Variants in ZNF519 observed in about 807,000 individuals in gnomAD.
ZNF519 encodes the protein similar to Zinc finger protein 85 (Zinc finger protein HPF4) (HTF1).
ZNF519 carries 7 observed loss-of-function variants against 7.4 expected under a neutral mutation model. The observed-to-expected ratio is 0.94, with a 90% CI of 0.54 to 1.77. The LOEUF is 1.77. ZNF519 is among the 40% of genes most tolerant of loss of function. The pLI, the probability that ZNF519 is intolerant of heterozygous loss-of-function variation, is 0.00. For missense variants in ZNF519, 586 were observed against 623.1 expected (o/e 0.94, Z 0.63); for synonymous variants, 179 against 203.3 (o/e 0.88, Z 1.02).
intron 3 of ZNF519, among the ~76,000 whole-genome samples, chr18:14,079,740 CA>C (rs1239615021): frequency 6.6e-6 from 1 of 152,174 alleles, no homozygotes; most frequent in Non-Finnish European, 1.5e-5. Context: ...TTAACATCTT[CA>C]CCAAAATGAA....
In ZNF519 at chr18:14,106,296, A is replaced by G; in HGVS notation, c.244T>C (p.Trp82Arg). 6.2e-7 allele frequency: 1 copy of G among 1,613,012 alleles called. No homozygotes were observed. Among genetic ancestry groups the G allele is most frequent in the Non-Finnish European group, 8.5e-7 (1 of 1,179,842 alleles). ...GSCGLENICLWKNWESIGEGE... is the reference protein window; with the variant it reads ...GSCGLENICLRKNWESIGEGE... ...TCACCTATACTTTCCCAGTTTTTCC[A>G]TAAGCATATATTTTCAAGGCCACAG... The change falls in exon 3 of 3, where the codon TGG becomes CGG. Residue 82 changes from tryptophan (W) to arginine (R), a missense_variant. Coordinates refer to ENST00000590202, the MANE Select transcript of ZNF519 (RefSeq NM_145287.4).
intron 2 of ZNF519, among the ~76,000 whole-genome samples, chr18:14,114,548 A>G (rs929829059): frequency 1.3e-5 from 2 of 152,136 alleles, no homozygotes; most frequent in Admixed American, 6.5e-5. Context: ...GTCAAATACT[A>G]TGTTTCCTCC....
intron 1 of ZNF519, among the ~76,000 whole-genome samples, chr18:14,125,336 G>A (rs2046293537): frequency 6.6e-6 from 1 of 152,168 alleles, no homozygotes; most frequent in Admixed American, 6.5e-5. Flanking sequence ...AATGTTTATG[G>A]AGCATGTACT....
chr18:14,076,260 G>A (rs1468642646), exon 5 of ZNF519: 1 of 152,078 alleles, frequency 6.6e-6, no homozygotes, highest in Non-Finnish European at 1.5e-5. Context: ...AAATATGATT[G>A]TGGTAATCTC....
At chr18:14,091,079 AGTAT>A (rs1454615962) in intron 2 of ZNF519, 1 of 152,208 alleles carries the variant, frequency 6.6e-6, no homozygotes, top group Non-Finnish European at 1.5e-5. Context: ...TTTTGGACTT[AGTAT>A]GTATTCATTG....
intron 3 of ZNF519, among the ~76,000 whole-genome samples, chr18:14,083,905 T>C (rs1567938661): frequency 6.6e-6 from 1 of 152,210 alleles, no homozygotes; most frequent in Non-Finnish European, 1.5e-5. Flanking sequence ...GCATCCGATG[T>C]GTCCCCTAAA....
chr18:14,104,469 T>C lies in ZNF519; in HGVS notation c.*448A>G, dbSNP rs9675475. Reference sequence around the variant, plus strand: ...AATGATGACATGTGAATGAGACATGTGAATGATGCCTACCTAACGTAGAAG... The same window carrying C: ...AATGATGACATGTGAATGAGACATGCGAATGATGCCTACCTAACGTAGAAG... On this transcript the variant is annotated 3_prime_UTR_variant, in exon 3 of 3. Transcript: ENST00000590202. The C allele has an allele frequency of 0.017, 2,706 of 154,962 alleles. 83 individuals carry two copies. The highest frequency in any genetic ancestry group is 0.061 in the African/African-American group (2,529 of 41,446). The allele number at this position is 154,962 out of a possible 1,614,324, so 9.6% of individuals were successfully genotyped here.
chr18:14,107,450 T>C (rs1191910424), intron 2 of ZNF519, among the ~76,000 whole-genome samples: 1 of 152,202 alleles, frequency 6.6e-6, no homozygotes, highest in African/African-American at 2.4e-5. Context: ...TAGTTTGCTA[T>C]GAGCTTTCAT....
At chr18:14,106,612 T>C (rs1271196671) in intron 2 of ZNF519, among the ~76,000 whole-genome samples, 2 of 151,860 alleles carry the variant, frequency 1.3e-5, no homozygotes, top group Non-Finnish European at 2.9e-5. Flanking sequence ...CAATGATCTA[T>C]TAAAAAAGAA....
Position 14,103,337 on chromosome 18 carries a change from T to G in ZNF519, c.*1580A>C, listed in dbSNP as rs2046171407. On this transcript the variant is annotated 3_prime_UTR_variant, in exon 3 of 3. Coordinates refer to ENST00000590202, the MANE Select transcript of ZNF519 (RefSeq NM_145287.4). The stretch of plus-strand genomic sequence containing the variant: ...GTCAATAAAATTAACAGGATCAAAA[T>G]AATCCAAAGTATTTTCCCTGACTTT... 1 of 151,998 alleles carries G rather than the reference T, an allele frequency of 6.6e-6. No homozygotes were observed. Among genetic ancestry groups the G allele is most frequent in the African/African-American group, 2.4e-5 (1 of 41,394 alleles). The allele number at this position is 151,998 out of a possible 1,614,324, so 9.4% of individuals were successfully genotyped here.
intron 1 of ZNF519, among the ~76,000 whole-genome samples, chr18:14,130,284 C>T (rs1336914229): frequency 2.6e-5 from 4 of 151,902 alleles, no homozygotes; most frequent in African/African-American, 9.7e-5. Context: ...TATTAACCTC[C>T]TAAGAAAAAG....
chr18:14,111,342 T>C (rs1383350552), intron 2 of ZNF519, among the ~76,000 whole-genome samples: 1 of 150,200 alleles, frequency 6.7e-6, no homozygotes, highest in Non-Finnish European at 1.5e-5. Flanking sequence ...CCGTCTCTAC[T>C]AAAAAATATA....
chr18:14,120,600 C>T (rs2046265663), intron 2 of ZNF519, among the ~76,000 whole-genome samples: 1 of 151,918 alleles, frequency 6.6e-6, no homozygotes, highest in African/African-American at 2.4e-5. Context: ...TTTTTTTAAA[C>T]CTTACAGGAC....
At chr18:14,109,117 CAAAAAA>C (rs1394519344) in intron 2 of ZNF519, among the ~76,000 whole-genome samples, 2 of 117,342 alleles carry the variant, frequency 1.7e-5, no homozygotes, top group Middle Eastern at 4.5e-3. Flanking sequence ...AACTCCGTCT[CAAAAAA>C]AAAAAAAAAA....
In ZNF519 at chr18:14,105,904, A is replaced by T; in HGVS notation, c.636T>A (p.Asn212Lys). 17 of 1,610,262 alleles carry T rather than the reference A, an allele frequency of 1.1e-5. No individual in the cohort carries two copies. Among genetic ancestry groups the T allele is most frequent in the Non-Finnish European group, 1.4e-5 (17 of 1,178,932 alleles). Residue 212 changes from asparagine (N) to lysine (K), a missense_variant, in exon 3 of 3, where the codon AAT becomes AAA. By Grantham distance (94) the Asn-to-Lys change is moderately conservative (BLOSUM62 0). Transcript: ENST00000590202. ...IHIQKKPYNS[N>K]ECGETSDPFS... is the part of the protein sequence containing the mutation. ...ATGGGTCAGAAGTTTCACCACATTCATTAGAGTTGTAAGGCTTTTTTTGAA... is the reference window on the plus strand; with the variant it reads ...ATGGGTCAGAAGTTTCACCACATTCTTTAGAGTTGTAAGGCTTTTTTTGAA...
chr18:14,115,032 A>ATATATGCACT (rs1292512067), intron 2 of ZNF519, among the ~76,000 whole-genome samples: 1 of 152,242 alleles, frequency 6.6e-6, no homozygotes, highest in Non-Finnish European at 1.5e-5. Context: ...TTCTTCATAG[A>ATATATGCACT]TATATGCACT....
At chr18:14,095,092 T>C (rs547544888), downstream of ZNF519, among the ~76,000 whole-genome samples, 1 of 152,196 alleles carries the variant, frequency 6.6e-6, no homozygotes, top group Non-Finnish European at 1.5e-5. Context: ...TTCTTGATGT[T>C]AGGGGCACGT....
Position 14,106,185 on chromosome 18 carries a change from T to C in ZNF519, c.355A>G (p.Lys119Glu), listed in dbSNP as rs2046190604. 6.2e-7 allele frequency: 1 copy of C among 1,612,760 alleles called. No homozygotes were observed. Among genetic ancestry groups the C allele is most frequent in the East Asian group, 2.2e-5 (1 of 44,838 alleles). ...HNKHLTVKGDKEYRIFQKKPQ... is the reference protein window; with the variant it reads ...HNKHLTVKGDEEYRIFQKKPQ... The stretch of plus-strand genomic sequence containing the variant: ...TTCTTCTGAAATATTCTATATTCTT[T>C]GTCTCCTTTCACAGTTAAATGTTTG... Residue 119 changes from lysine to glutamate, a missense_variant, in exon 3 of 3, where the codon AAA becomes GAA. By Grantham distance (56) the Lys-to-Glu change is moderately conservative. Coordinates refer to ENST00000590202, the MANE Select transcript of ZNF519 (RefSeq NM_145287.4).
chr18:14,075,028 G>C (rs540404858), downstream of ZNF519: 43 of 152,332 alleles, frequency 2.8e-4, 1 homozygote, highest in African/African-American at 1.0e-3. Flanking sequence ...GAGCAAGTCA[G>C]GTCTTACATG....
Sources: gnomAD v4.1 joint callset for allele counts (sites outside exome capture counted in the v4.1 genomes callset) on GRCh38, gnomAD v4.1.1 for gene constraint, MANE v1.5 for transcripts, NCBI Gene and HGNC (gene_info 2026-07-23, HGNC 2026-07-21) for gene names.